USP37: variants seen among roughly 807,000 people sequenced by gnomAD.
USP37 encodes the protein ubiquitin specific peptidase 37.
Under a neutral mutation model 124.0 loss-of-function variants are expected in USP37, and 27 were observed. That is an observed-to-expected ratio of 0.22 (90% CI 0.16 to 0.30). USP37 has a LOEUF of 0.30. USP37 is among the 10% of genes least tolerant of loss of function. USP37 has a pLI of 1.00. For missense variants in USP37, 889 were observed against 1,140.4 expected (o/e 0.78, Z 3.17); for synonymous variants, 365 against 388.0 (o/e 0.94, Z 0.70).
intron 10 of USP37, among the ~76,000 whole-genome samples, chr2:218,529,177 C>A (rs1164613972): frequency 6.6e-6 from 1 of 152,190 alleles, no homozygotes; most frequent in African/African-American, 2.4e-5. Flanking sequence ...TCACTACAGG[C>A]ACACGGCACC....
At chr2:218,544,451 A>AGAGAGAGG (rs1574949447) in intron 8 of USP37, among the ~76,000 whole-genome samples, 1 of 144,814 alleles carries the variant, frequency 6.9e-6, no homozygotes, top group Middle Eastern at 3.5e-3. Context: ...AGAGAGAGAG[A>AGAGAGAGG]GAGAGAGAGA....
At chr2:218,498,939 T>A (rs1689214292) in intron 11 of USP37, among the ~76,000 whole-genome samples, 2 of 152,176 alleles carry the variant, frequency 1.3e-5, no homozygotes. Context: ...ATATATGTGT[T>A]TAGGTACTGC....
At chr2:218,506,583 C>T (rs530526816) in intron 11 of USP37, among the ~76,000 whole-genome samples, 1 of 150,570 alleles carries the variant, frequency 6.6e-6, no homozygotes, top group Non-Finnish European at 1.5e-5. Flanking sequence ...CCACGCCCGG[C>T]CCTTTCTGGC....
At chr2:218,510,231 GA>G (rs1689900062) in intron 10 of USP37, 91 bp from the exon 11 acceptor site, 4 of 1,380,504 alleles carry the variant, frequency 2.9e-6, no homozygotes, top group Non-Finnish European at 9.8e-7. Flanking sequence ...AATGTTTAAG[GA>G]AAAAAATCTT....
At chr2:218,546,088 T>C (rs556854614) in intron 8 of USP37, 133 bp downstream of exon 8, 85 of 722,212 alleles carry the variant, frequency 1.2e-4, no homozygotes, top group Middle Eastern at 2.5e-4. Context: ...GTCACCAAAC[T>C]ACTTTACATT....
At chr2:218,516,452 A>C (rs1004275144) in intron 10 of USP37, among the ~76,000 whole-genome samples, 2 of 151,796 alleles carry the variant, frequency 1.3e-5, no homozygotes, top group Non-Finnish European at 2.9e-5. Flanking sequence ...AGAAAACCAA[A>C]CACTGCACGT....
chr2:218,504,027 A>C (rs954712433), intron 11 of USP37, among the ~76,000 whole-genome samples: 10 of 152,230 alleles, frequency 6.6e-5, no homozygotes, highest in Non-Finnish European at 1.3e-4. Flanking sequence ...AAATATTATC[A>C]GGGATAAAAA....
chr2:218,563,772 G>A (rs1693437531), intron 1 of USP37, among the ~76,000 whole-genome samples: 1 of 152,152 alleles, frequency 6.6e-6, no homozygotes, highest in Non-Finnish European at 1.5e-5. Flanking sequence ...AGCTCCTAGA[G>A]GCCAGGCACG....
chr2:218,463,172 A>C (rs2106408586), intron 22 of USP37, 134 bp downstream of exon 22: 1 of 750,704 alleles, frequency 1.3e-6, no homozygotes, highest in African/African-American at 2.4e-5. Flanking sequence ...CTCCCCCACA[A>C]TAAACACACA....
At chr2:218,531,837 A>G (rs1401408912) in intron 9 of USP37, among the ~76,000 whole-genome samples, 1 of 152,260 alleles carries the variant, frequency 6.6e-6, no homozygotes, top group Non-Finnish European at 1.5e-5. Flanking sequence ...GAATATCAAG[A>G]GAACTACAAG....
At chr2:218,457,999 C>T (rs1398620194) in intron 23 of USP37, among the ~76,000 whole-genome samples, 1 of 146,048 alleles carries the variant, frequency 6.8e-6, no homozygotes, top group African/African-American at 2.6e-5. Flanking sequence ...GAGATCGGGC[C>T]ACTGCACTCC....
chr2:218,527,790 G>A (rs115221970), intron 10 of USP37, among the ~76,000 whole-genome samples: 1 of 152,156 alleles, frequency 6.6e-6, no homozygotes, highest in African/African-American at 2.4e-5. Flanking sequence ...AATCTATAAA[G>A]TGCTTGAGAT....
intron 10 of USP37, among the ~76,000 whole-genome samples, chr2:218,527,018 G>A (rs1327700686): frequency 1.3e-5 from 2 of 151,934 alleles, no homozygotes; most frequent in Admixed American, 6.6e-5. Context: ...TCGATCTCCC[G>A]ACCTCGTGAT....
chr2:218,543,733 G>A (rs1428277136), intron 8 of USP37, among the ~76,000 whole-genome samples: 2 of 151,888 alleles, frequency 1.3e-5, no homozygotes, highest in East Asian at 3.9e-4. Flanking sequence ...GTGAACCCAG[G>A]AGGCAGAGCT....
intron 10 of USP37, among the ~76,000 whole-genome samples, chr2:218,522,807 A>G (rs1423853647): frequency 6.6e-6 from 1 of 152,044 alleles, no homozygotes; most frequent in Non-Finnish European, 1.5e-5. Flanking sequence ...AGTTCTTATA[A>G]ATAGTACAGG....
intron 8 of USP37, among the ~76,000 whole-genome samples, chr2:218,538,479 G>A (rs1292436376): frequency 1.3e-5 from 2 of 152,184 alleles, no homozygotes; most frequent in Non-Finnish European, 1.5e-5. Context: ...CAACACTAAA[G>A]AGACACTAAA....
At position 218,504,282 on chromosome 2, in the gene USP37, T is replaced by C. The variant is rs187612521; in HGVS notation, c.1025+5697A>G. On this transcript the variant is annotated intron_variant, in intron 11 of 25. Coordinates refer to ENST00000258399, the MANE Select transcript of USP37 (RefSeq NM_020935.3). The stretch of plus-strand genomic sequence containing the variant: ...ATTAAATAATCTCTCCCTCCCTTTA[T>C]TATAATACTTTTTGAATTACTGTTC... Among the ~76,000 whole-genome samples, 527 of 152,336 alleles carry C rather than the reference T, an allele frequency of 3.5e-3. 3 individuals carry two copies. Among genetic ancestry groups the C allele is most frequent in the Middle Eastern group, 6.8e-3 (2 of 294 alleles).
At chr2:218,539,734 G>A (rs765791357) in intron 8 of USP37, among the ~76,000 whole-genome samples, 6 of 151,934 alleles carry the variant, frequency 3.9e-5, no homozygotes, top group African/African-American at 1.2e-4. Context: ...AAACCTGGCC[G>A]GGCGCAGTGG....
At chr2:218,547,411 T>TTTGTTGTTGTTG (rs60295941) in intron 6 of USP37, among the ~76,000 whole-genome samples, 1 of 151,750 alleles carries the variant, frequency 6.6e-6, no homozygotes, top group Non-Finnish European at 1.5e-5. Flanking sequence ...ATTCATCAGT[T>TTTGTTGTTGTTG]TTGTTGTTGT....
Sources: allele counts gnomAD v4.1 joint callset (sites outside exome capture counted in the v4.1 genomes callset), GRCh38; gene constraint gnomAD v4.1.1; transcripts MANE v1.5; gene names NCBI Gene and HGNC (gene_info 2026-07-23, HGNC 2026-07-21).